The following COL15A1 variants were observed in gnomAD, a reference collection of about 807,000 sequenced individuals.
The protein encoded by COL15A1 is collagen type XV alpha 1 chain, also known as collagen alpha-1(XV) chain.
In COL15A1, 111 loss-of-function variants were observed where a neutral mutation model predicts 165.9. The ratio of observed to expected loss-of-function variants is 0.67; its 90% confidence interval spans 0.57 to 0.78. The LOEUF (loss-of-function observed/expected upper bound fraction) is 0.78, where lower values mean the gene tolerates loss of function less well. Among genes scored for constraint, COL15A1 ranks in the 30% least tolerant of loss-of-function variants. COL15A1 has a pLI of 0.00. For missense variants in COL15A1, 1,745 were observed against 1,789.7 expected (o/e 0.98, Z 0.45); for synonymous variants, 659 against 674.8 (o/e 0.98, Z 0.36).
chr9:99,008,874 T>C (rs1474647857), intron 9 of COL15A1, among the ~76,000 whole-genome samples: 1 of 152,168 alleles, frequency 6.6e-6, no homozygotes, highest in African/African-American at 2.4e-5. Context: ...CCTCCCAAAG[T>C]GCTGGGATTA....
chr9:98,999,083 C>T (rs762497655), intron 6 of COL15A1, among the ~76,000 whole-genome samples: 3 of 152,196 alleles, frequency 2.0e-5, no homozygotes, highest in Non-Finnish European at 4.4e-5. Flanking sequence ...GTGCTCGACC[C>T]GTGCTGGCCA....
At chr9:99,025,845 C>A (rs534294937) in intron 15 of COL15A1, 59 bp from the exon 16 acceptor site, 3 of 1,555,862 alleles carry the variant, frequency 1.9e-6, no homozygotes, top group African/African-American at 2.7e-5. Context: ...TTCTAGCAAG[C>A]GTGTGTATGT....
At chr9:99,048,375 G>A (rs1839528837) in intron 28 of COL15A1, among the ~76,000 whole-genome samples, 1 of 152,106 alleles carries the variant, frequency 6.6e-6, no homozygotes, top group Non-Finnish European at 1.5e-5. Context: ...AGTGAGTGCT[G>A]GAAGTCAGTA....
intron 35 of COL15A1, among the ~76,000 whole-genome samples, chr9:99,057,860 C>G (rs185331916): frequency 2.0e-4 from 31 of 152,284 alleles, no homozygotes; most frequent in Admixed American, 2.0e-3. Context: ...GAGCTTTACA[C>G]AGGAGGTGAC....
chr9:98,990,574 A>G (rs971171703), intron 5 of COL15A1, among the ~76,000 whole-genome samples: 2 of 152,210 alleles, frequency 1.3e-5, no homozygotes, highest in African/African-American at 4.8e-5. Flanking sequence ...CCAGTTCACA[A>G]TTCACAGCGA....
chr9:99,023,254 G>A (rs868470047), intron 13 of COL15A1, 103 bp from the exon 14 acceptor site: 1 of 1,400,428 alleles, frequency 7.1e-7, no homozygotes, highest in African/African-American at 1.4e-5. Context: ...TCGGGCTATA[G>A]GATATAGGAA....
At position 99,020,388 on chromosome 9, in the gene COL15A1, G is replaced by A; in HGVS notation, c.1648-1G>A. ...GTTTTAACCAAATCTTCTTCTTTTA[G>A]GCTCAAAGAGAACATGTGGGAATGA... On this transcript the variant is annotated splice_acceptor_variant, in intron 11 of 41. Coordinates refer to ENST00000375001, the MANE Select transcript of COL15A1 (RefSeq NM_001855.5). LOFTEE classifies it high-confidence loss of function. 1.9e-6 allele frequency: 3 copies of A among 1,612,446 alleles called. No homozygotes were observed. The highest frequency in any genetic ancestry group is 2.5e-6 in the Non-Finnish European group (3 of 1,178,514).
intron 2 of COL15A1, among the ~76,000 whole-genome samples, chr9:98,977,801 CT>C (rs1350379465): frequency 6.6e-6 from 1 of 152,248 alleles, no homozygotes; most frequent in African/African-American, 2.4e-5. Flanking sequence ...CATTTCCCAT[CT>C]GTCGTCTCAT....
chr9:99,047,775 T>G lies in COL15A1; in HGVS notation c.2680-11T>G, dbSNP rs1839517017. ...TGTTCTTTTCTAATCTGGCATTTGT[T>G]TTGCCTCTAGGGGCCCAAAGGACCA... On this transcript the variant is annotated splice_polypyrimidine_tract_variant and intron_variant, in intron 26 of 41. Coordinates refer to ENST00000375001, the MANE Select transcript of COL15A1 (RefSeq NM_001855.5). 1 of 1,614,108 alleles carries G rather than the reference T, an allele frequency of 6.2e-7. No homozygotes were observed. Among genetic ancestry groups the G allele is most frequent in the Non-Finnish European group, 8.5e-7 (1 of 1,179,956 alleles).
intron 41 of COL15A1, 139 bp from the exon 42 acceptor site, chr9:99,069,534 G>A: frequency 4.6e-6 from 5 of 1,096,352 alleles, no homozygotes; most frequent in Non-Finnish European, 6.6e-6. Context: ...GCTAGCAAGG[G>A]CAATGAGGAT....
chr9:98,957,491 C>T (rs1219106176), intron 2 of COL15A1, among the ~76,000 whole-genome samples: 2 of 152,180 alleles, frequency 1.3e-5, no homozygotes, highest in Admixed American at 6.5e-5. Flanking sequence ...AAGATAAATA[C>T]AGCCTTCTAC....
rs188055288 is a variant in COL15A1 at position 99,036,601 on chromosome 9, C to T, written c.2409+205C>T. On this transcript the variant is annotated intron_variant, in intron 21 of 41. Coordinates refer to ENST00000375001, the MANE Select transcript of COL15A1 (RefSeq NM_001855.5). ...CATGGTGCTTCTAGATTTGTCTCTT[C>T]TGATTAGCAGCATTTGGGGTCAATT... 1.5e-3 allele frequency among the ~76,000 whole-genome samples: 225 copies of T among 152,352 alleles called. 1 individual carries two copies. The highest frequency in any genetic ancestry group is 2.7e-3 in the Non-Finnish European group (183 of 68,038).
intron 14 of COL15A1, 71 bp downstream of exon 14, chr9:99,023,520 G>A: frequency 1.3e-6 from 1 of 762,826 alleles, no homozygotes; most frequent in Non-Finnish European, 2.3e-6. Context: ...GAGGGACGTG[G>A]GGGCCAGGGA....
intron 2 of COL15A1, among the ~76,000 whole-genome samples, chr9:98,974,559 C>T (rs751198060): frequency 3.4e-4 from 52 of 152,186 alleles, no homozygotes; most frequent in Non-Finnish European, 6.9e-4. Context: ...GCTGCAGGCG[C>T]AGAGGAGGGG....
Position 99,034,583 on chromosome 9 carries a change from A to G in COL15A1, c.2078A>G (p.Lys693Arg). The G allele has an allele frequency of 1.4e-6, 2 of 1,467,318 alleles. No homozygotes were observed. The highest frequency in any genetic ancestry group is 1.8e-6 in the Non-Finnish European group (2 of 1,117,652). The allele number at this position is 1,467,318 out of a possible 1,614,324, so 90.9% of individuals were successfully genotyped here. A position where few individuals can be genotyped will look rare whatever the true frequency, so the allele number is the denominator to read the frequency against. The stretch of plus-strand genomic sequence containing the variant: ...GGGCCTAATGGCTCAGTTGGTGAAA[A>G]GGTAAAAAAAAAAAAAAAAAAAAAA... ...ARGPNGSVGEKGDPGNRGLPG... is the reference protein window; with the variant it reads ...ARGPNGSVGERGDPGNRGLPG... The change falls in exon 17 of 42, where the codon AAG becomes AGG. Residue 693 changes from lysine (K) to arginine (R), a missense_variant and splice_region_variant. Coordinates refer to ENST00000375001, the MANE Select transcript of COL15A1 (RefSeq NM_001855.5).
Position 99,023,556 on chromosome 9 carries a change from T to C in COL15A1, c.1854+107T>C, listed in dbSNP as rs1039255287. On this transcript the variant is annotated intron_variant, in intron 14 of 41. Transcript: ENST00000375001. The stretch of plus-strand genomic sequence containing the variant: ...CAGATGAAACTGGATTGGCTGCTGC[T>C]GGGGTTGCCGGCAGTGAGCTCATGG... 4 of 628,926 alleles carry C rather than the reference T, an allele frequency of 6.4e-6. No individual in the cohort carries two copies. In the African/African-American group the frequency reaches 7.2e-5, roughly 11 times the overall value. The allele number at this position is 628,926 out of a possible 1,614,324, so 39.0% of individuals were successfully genotyped here. A position where few individuals can be genotyped will look rare whatever the true frequency, so the allele number is the denominator to read the frequency against.
chr9:99,052,050 A>G (rs1839597725), intron 30 of COL15A1, among the ~76,000 whole-genome samples: 1 of 152,224 alleles, frequency 6.6e-6, no homozygotes, highest in African/African-American at 2.4e-5. Context: ...ACTGATAAGA[A>G]AGGAAGACAA....
rs774620516 is a variant in COL15A1, at chr9:99,069,719, C to G, written c.4000C>G (p.Leu1334Val). ...WHGSSPHGVR[L>V]VDNYCEAWRT... is the part of the protein sequence containing the mutation. ...TGGCTCCAGCCCCCATGGCGTCCGC[C>G]TTGTGGATAACTACTGTGAAGCATG... Residue 1334 changes from leucine to valine, a missense_variant, in exon 42 of 42, where the codon CTT (leucine) becomes GTT (valine). By Grantham distance (32) the Leu-to-Val change is conservative (BLOSUM62 1). Transcript: ENST00000375001. 1.9e-6 allele frequency: 3 copies of G among 1,613,716 alleles called. No homozygotes were observed. Among genetic ancestry groups the G allele is most frequent in the Non-Finnish European group, 2.5e-6 (3 of 1,179,592 alleles).
chr9:98,978,889 G>A (rs1460916508), intron 2 of COL15A1, among the ~76,000 whole-genome samples: 1 of 151,974 alleles, frequency 6.6e-6, no homozygotes, highest in African/African-American at 2.4e-5. Context: ...CGTTTCTTGT[G>A]TATTCTTCTA....
Sources: allele counts gnomAD v4.1 joint callset (sites outside exome capture counted in the v4.1 genomes callset), GRCh38; gene constraint gnomAD v4.1.1; transcripts MANE v1.5; gene names NCBI Gene and HGNC (gene_info 2026-07-23, HGNC 2026-07-21).